SRGAP1: variants seen among roughly 807,000 people sequenced by gnomAD.
SRGAP1 encodes the protein SLIT-ROBO Rho GTPase-activating protein 1.
Under a neutral mutation model 121.9 loss-of-function variants are expected in SRGAP1, and 43 were observed. The ratio of observed to expected loss-of-function variants is 0.35; its 90% CI spans 0.28 to 0.46. SRGAP1 has a LOEUF of 0.46. Ranked by LOEUF, SRGAP1 falls within the 20% of genes least tolerant of loss-of-function variation. The pLI, the probability that SRGAP1 is intolerant of heterozygous loss-of-function variation, is 1.00. For synonymous variants in SRGAP1, 447 were observed against 485.4 expected (o/e 0.92, Z 1.04); for missense variants, 1,102 against 1,350.9 (o/e 0.82, Z 2.89).
chr12:64,090,141 G>A (rs1211485446), intron 11 of SRGAP1, among the ~76,000 whole-genome samples: 2 of 152,188 alleles, frequency 1.3e-5, no homozygotes, highest in Non-Finnish European at 2.9e-5. Context: ...CACAGTAGTA[G>A]AAGTTGAGTC....
chr12:64,073,808 A>G (rs2035685826), intron 8 of SRGAP1, among the ~76,000 whole-genome samples: 1 of 150,274 alleles, frequency 6.7e-6, no homozygotes, highest in Admixed American at 6.6e-5. Flanking sequence ...ATTTGAAGAC[A>G]AACTACAAAT....
At chr12:63,991,152 A>G (rs1253572970) in intron 3 of SRGAP1, among the ~76,000 whole-genome samples, 1 of 152,204 alleles carries the variant, frequency 6.6e-6, no homozygotes, top group Non-Finnish European at 1.5e-5. Flanking sequence ...TGCTTGCAAG[A>G]TGAGAGTTTT....
In SRGAP1 at chr12:64,127,862, C is replaced by T; in HGVS notation, c.2542C>T (p.Gln848Ter). ...DRHPDGYLAR[Q>*]RKRGEPPPPV... ...CTCCCTGTTTCTGTGAATGTCTAGG[C>T]AACGAAAAAGAGGAGAGCCACCCCC... is the stretch of plus-strand genomic sequence containing the variant. Residue 848 changes from glutamine (Q) to a stop codon, truncating the protein, a stop_gained and splice_region_variant, in exon 21 of 22, where the codon CAA (glutamine) becomes TAA (stop). Transcript: ENST00000355086. LOFTEE classifies it high-confidence loss of function. 6.2e-7 allele frequency: 1 copy of T among 1,607,310 alleles called. No homozygotes were observed. The highest frequency in any genetic ancestry group is 1.3e-5 in the African/African-American group (1 of 74,784).
chr12:63,862,732 G>C (rs1179849902), intron 1 of SRGAP1, among the ~76,000 whole-genome samples: 23 of 152,188 alleles, frequency 1.5e-4, no homozygotes, highest in Non-Finnish European at 2.9e-4. Context: ...ATATGTAATG[G>C]CGCTGTGTAT....
At chr12:64,073,035 T>C (rs1243912342) in intron 8 of SRGAP1, among the ~76,000 whole-genome samples, 1 of 152,204 alleles carries the variant, frequency 6.6e-6, no homozygotes, top group Non-Finnish European at 1.5e-5. Flanking sequence ...TGTGTTTTCC[T>C]GCTGCTGATG....
chr12:64,138,765 G>A (rs978599661), intron 21 of SRGAP1, among the ~76,000 whole-genome samples: 2 of 151,998 alleles, frequency 1.3e-5, no homozygotes, highest in African/African-American at 4.8e-5. Context: ...GACAAATGAG[G>A]TAGTGATGCT....
At chr12:63,847,834 T>C (rs944000259) in intron 1 of SRGAP1, among the ~76,000 whole-genome samples, 1 of 151,980 alleles carries the variant, frequency 6.6e-6, no homozygotes, top group Non-Finnish European at 1.5e-5. Flanking sequence ...TGATTATATG[T>C]ATTTTTTTTT....
chr12:64,042,416 G>A (rs753662601), intron 4 of SRGAP1, among the ~76,000 whole-genome samples: 24 of 152,026 alleles, frequency 1.6e-4, no homozygotes, highest in Admixed American at 2.6e-4. Context: ...TTGGGTTTGG[G>A]TTGGGCTAAA....
intron 1 of SRGAP1, among the ~76,000 whole-genome samples, chr12:63,884,193 G>C (rs1324375320): frequency 6.6e-6 from 1 of 151,970 alleles, no homozygotes; most frequent in African/African-American, 2.4e-5. Flanking sequence ...TGAGGCAGGA[G>C]AATCGCTTGA....
chr12:63,851,592 T>TTTC (rs201336083), intron 1 of SRGAP1, among the ~76,000 whole-genome samples: 4 of 140,292 alleles, frequency 2.9e-5, no homozygotes, highest in Admixed American at 7.2e-5. Context: ...TCTTTCTTTC[T>TTTC]TTTTTTTTTT....
chr12:63,863,822 C>T (rs1166749610), intron 1 of SRGAP1, among the ~76,000 whole-genome samples: 1 of 152,128 alleles, frequency 6.6e-6, no homozygotes, highest in African/African-American at 2.4e-5. Flanking sequence ...GTAATAAGCT[C>T]AGAGAGACTC....
chr12:64,109,673 C>T (rs933448678), intron 16 of SRGAP1, among the ~76,000 whole-genome samples: 3 of 152,192 alleles, frequency 2.0e-5, no homozygotes, highest in Admixed American at 6.5e-5. Context: ...CAAGTCCTAT[C>T]TAAGAGTACT....
Position 64,076,653 on chromosome 12 carries a change from AT to A in SRGAP1, c.1126-2255del, listed in dbSNP as rs1162840766. ...ATTGAACTCCCAGAAAGAAAAAAAA[AT>A]TTTTTTTTTTGAGACAGAGTCTCAC... On this transcript the variant is annotated intron_variant, in intron 8 of 21. Coordinates refer to ENST00000355086, the MANE Select transcript of SRGAP1 (RefSeq NM_020762.4). Among the ~76,000 whole-genome samples the A allele has an allele frequency of 1.5e-4, 23 of 149,708 alleles. 1 individual carries two copies. Among genetic ancestry groups the A allele is most frequent in the African/African-American group, 4.4e-4 (18 of 40,944 alleles).
intron 1 of SRGAP1, among the ~76,000 whole-genome samples, chr12:63,937,550 T>C (rs139764095): frequency 6.6e-6 from 1 of 152,214 alleles, no homozygotes; most frequent in Non-Finnish European, 1.5e-5. Context: ...TATGGTAGAT[T>C]AATTAAAGCA....
chr12:63,998,734 A>C (rs2033788064), intron 3 of SRGAP1, among the ~76,000 whole-genome samples: 2 of 152,222 alleles, frequency 1.3e-5, no homozygotes, highest in Admixed American at 6.5e-5. Context: ...TTTGACTCTT[A>C]AGACAATACC....
Position 64,015,632 on chromosome 12 carries a change from C to T in SRGAP1, c.427-1318C>T, listed in dbSNP as rs557307563. ...ATATTTGTTTGGCTTTTGTTGAGGC[C>T]TGACCCAATGACCTCATGTTTACAG... is the stretch of plus-strand genomic sequence containing the variant. On this transcript the variant is annotated intron_variant, in intron 3 of 21. Coordinates refer to ENST00000355086, the MANE Select transcript of SRGAP1 (RefSeq NM_020762.4). 4.4e-3 allele frequency among the ~76,000 whole-genome samples: 668 copies of T among 152,276 alleles called. 8 individuals carry two copies. Among genetic ancestry groups the T allele is most frequent in the African/African-American group, 0.015 (629 of 41,568 alleles).
chr12:64,086,476 G>A (rs1378001416), intron 10 of SRGAP1, among the ~76,000 whole-genome samples: 1 of 151,940 alleles, frequency 6.6e-6, no homozygotes, highest in Admixed American at 6.6e-5. Flanking sequence ...TTTAATATTC[G>A]CAAATGTCAT....
Position 64,161,164 on chromosome 12 carries a change from T to C in SRGAP1, c.*18492T>C, listed in dbSNP as rs1172895878. On this transcript the variant is annotated 3_prime_UTR_variant, in exon 22 of 22. Coordinates refer to ENST00000355086, the MANE Select transcript of SRGAP1 (RefSeq NM_020762.4). ...TTAGCTTTCTATGTACATAAGTAGA[T>C]AAAAATTAATTCATTCTCAAAATCT... 1.3e-5 allele frequency: 2 copies of C among 152,202 alleles called. No homozygotes were observed. The highest frequency in any genetic ancestry group is 6.5e-5 in the Admixed American group (1 of 15,280). The allele number at this position is 152,202 out of a possible 1,614,324, so 9.4% of individuals were successfully genotyped here. A position where few individuals can be genotyped will look rare whatever the true frequency, so the allele number is the denominator to read the frequency against.
At chr12:64,136,251 C>T (rs2036854445) in intron 21 of SRGAP1, among the ~76,000 whole-genome samples, 1 of 152,090 alleles carries the variant, frequency 6.6e-6, no homozygotes, top group Admixed American at 6.6e-5. Context: ...TCTGCAATCC[C>T]AGGTACTTTG....
Sources: allele counts gnomAD v4.1 joint callset (sites outside exome capture counted in the v4.1 genomes callset), GRCh38; gene constraint gnomAD v4.1.1; transcripts MANE v1.5; gene names NCBI Gene and HGNC (gene_info 2026-07-23, HGNC 2026-07-21).